CLSTN2: variants seen among roughly 807,000 people sequenced by gnomAD.
CLSTN2 encodes calsyntenin-2.
A neutral mutation model predicts 101.2 loss-of-function variants in CLSTN2; 48 were observed. That is an observed-to-expected ratio of 0.47 (90% CI 0.38 to 0.60). CLSTN2 has a LOEUF of 0.60. Ranked by LOEUF, CLSTN2 falls within the 20% of genes least tolerant of loss-of-function variation. The pLI is 0.00. For missense variants in CLSTN2, 1,160 were observed against 1,238.2 expected (o/e 0.94, Z 0.95); for synonymous variants, 481 against 463.6 (o/e 1.04, Z -0.48).
At chr3:140,087,223 C>T (rs757975931) in intron 1 of CLSTN2, among the ~76,000 whole-genome samples, 2 of 152,060 alleles carry the variant, frequency 1.3e-5, no homozygotes, top group Non-Finnish European at 2.9e-5. Flanking sequence ...CTTTGCTGAA[C>T]TTCAGGAAGG....
At chr3:140,539,233 C>T (rs1175199856) in intron 9 of CLSTN2, among the ~76,000 whole-genome samples, 1 of 152,068 alleles carries the variant, frequency 6.6e-6, no homozygotes, top group Non-Finnish European at 1.5e-5. Flanking sequence ...AAATTATATC[C>T]TATTCTTGAG....
intron 1 of CLSTN2, among the ~76,000 whole-genome samples, chr3:139,957,085 A>G (rs1451518355): frequency 6.6e-6 from 1 of 152,220 alleles, no homozygotes; most frequent in Non-Finnish European, 1.5e-5. Flanking sequence ...GATGCTGTAC[A>G]GGAGGGCAAC....
intron 2 of CLSTN2, among the ~76,000 whole-genome samples, chr3:140,253,766 CT>C (rs2086582608): frequency 6.6e-6 from 1 of 151,884 alleles, no homozygotes; most frequent in Non-Finnish European, 1.5e-5. Flanking sequence ...GGGTTTCGGT[CT>C]TTTTTATTTT....
At chr3:140,285,095 C>G (rs72990182) in intron 2 of CLSTN2, among the ~76,000 whole-genome samples, 3,321 of 152,134 alleles carry the variant, frequency 0.022, 103 homozygotes, top group African/African-American at 0.075. Context: ...CTCGGTTTCC[C>G]TGGGCTTTTT....
At chr3:139,983,944 A>T (rs1482476202) in intron 1 of CLSTN2, among the ~76,000 whole-genome samples, 1 of 152,200 alleles carries the variant, frequency 6.6e-6, no homozygotes, top group Non-Finnish European at 1.5e-5. Flanking sequence ...AATCATTTGT[A>T]ATTTGATTCA....
At chr3:140,059,827 AG>A (rs2008167609) in intron 1 of CLSTN2, among the ~76,000 whole-genome samples, 1 of 152,188 alleles carries the variant, frequency 6.6e-6, no homozygotes. Flanking sequence ...AGAAATGTCC[AG>A]GGAAAATATT....
At chr3:140,469,102 A>G (rs1933775228) in intron 8 of CLSTN2, among the ~76,000 whole-genome samples, 1 of 152,146 alleles carries the variant, frequency 6.6e-6, no homozygotes, top group South Asian at 2.1e-4. Context: ...CTTATGAGGA[A>G]CCAGCCCTAT....
chr3:140,477,335 C>A (rs1934009700), intron 8 of CLSTN2, among the ~76,000 whole-genome samples: 1 of 152,208 alleles, frequency 6.6e-6, no homozygotes, highest in Non-Finnish European at 1.5e-5. Flanking sequence ...CATTATGAAG[C>A]AGCTACTGCA....
At chr3:140,156,260 G>A (rs886854582) in intron 1 of CLSTN2, among the ~76,000 whole-genome samples, 1 of 152,154 alleles carries the variant, frequency 6.6e-6, no homozygotes, top group East Asian at 1.9e-4. Flanking sequence ...GGTCTGAAAG[G>A]AGGACAGGCT....
At chr3:139,944,969 A>T (rs1156474960) in intron 1 of CLSTN2, among the ~76,000 whole-genome samples, 1 of 152,224 alleles carries the variant, frequency 6.6e-6, no homozygotes, top group African/African-American at 2.4e-5. Context: ...TCATTCAGAA[A>T]GGCTGTCGGT....
chr3:140,191,180 T>C (rs1244159882), intron 2 of CLSTN2, among the ~76,000 whole-genome samples: 1 of 152,072 alleles, frequency 6.6e-6, no homozygotes, highest in Non-Finnish European at 1.5e-5. Flanking sequence ...AATATGAATA[T>C]GTAATTTTTT....
At chr3:140,130,380 C>A (rs376943205) in intron 1 of CLSTN2, among the ~76,000 whole-genome samples, 2 of 152,174 alleles carry the variant, frequency 1.3e-5, no homozygotes, top group Non-Finnish European at 2.9e-5. Context: ...GTTATGGGAA[C>A]CTTCACTGAT....
intron 8 of CLSTN2, among the ~76,000 whole-genome samples, chr3:140,499,880 C>T (rs954980367): frequency 3.3e-5 from 5 of 151,986 alleles, no homozygotes; most frequent in Admixed American, 1.3e-4. Context: ...CTGGCTAACA[C>T]GGTGAAACCC....
intron 1 of CLSTN2, among the ~76,000 whole-genome samples, chr3:140,114,308 T>C (rs1377094908): frequency 2.0e-5 from 3 of 152,218 alleles, no homozygotes; most frequent in Non-Finnish European, 4.4e-5. Context: ...CCAAGAATGC[T>C]CTCTGTATTC....
At chr3:140,442,017 T>A (rs1461795112) in intron 5 of CLSTN2, among the ~76,000 whole-genome samples, 1 of 152,234 alleles carries the variant, frequency 6.6e-6, no homozygotes, top group South Asian at 2.1e-4. Context: ...GGGGCCCTGA[T>A]GAAGACATCC....
intron 1 of CLSTN2, among the ~76,000 whole-genome samples, chr3:139,954,662 A>T (rs80272813): frequency 0.012 from 1,805 of 152,198 alleles, 27 homozygotes; most frequent in African/African-American, 0.041. Context: ...GTCTATTTTC[A>T]GTATTTTCCC....
intron 8 of CLSTN2, among the ~76,000 whole-genome samples, chr3:140,520,621 A>G (rs1935004135): frequency 6.6e-6 from 1 of 152,226 alleles, no homozygotes; most frequent in East Asian, 1.9e-4. Flanking sequence ...GGGTGGGGAC[A>G]CAGCCAAACC....
chr3:140,225,837 G>A (rs1173990300), intron 2 of CLSTN2, among the ~76,000 whole-genome samples: 1 of 151,862 alleles, frequency 6.6e-6, no homozygotes, highest in African/African-American at 2.4e-5. Context: ...TCACACAAAT[G>A]AAAATCACAC....
chr3:140,203,461 GTTTTT>G (rs58182333), intron 2 of CLSTN2, among the ~76,000 whole-genome samples: 10 of 67,916 alleles, frequency 1.5e-4, no homozygotes, highest in African/African-American at 3.8e-4. Context: ...GAAAGTGTGG[GTTTTT>G]TTTTTTTTTT....
Sources: gnomAD v4.1 joint callset for allele counts (sites outside exome capture counted in the v4.1 genomes callset) on GRCh38, gnomAD v4.1.1 for gene constraint, MANE v1.5 for transcripts, NCBI Gene and HGNC (gene_info 2026-07-23, HGNC 2026-07-21) for gene names.